The following SLC6A12 variants were observed in gnomAD, a reference collection of about 807,000 sequenced individuals.
SLC6A12 encodes the protein sodium- and chloride-dependent betaine transporter.
Under a neutral mutation model 73.3 loss-of-function variants are expected in SLC6A12, and 50 were observed. That is an observed-to-expected ratio of 0.68 (90% CI 0.54 to 0.86). The LOEUF (loss-of-function observed/expected upper bound fraction) is 0.86. SLC6A12 is among the 40% of genes least tolerant of loss of function. SLC6A12 has a pLI of 0.00. For synonymous variants in SLC6A12, 304 were observed against 309.2 expected (o/e 0.98, Z 0.18); for missense variants, 648 against 772.8 (o/e 0.84, Z 1.92).
chr12:196,978 G>T, intron 10 of SLC6A12, 96 bp from the exon 11 acceptor site: 1 of 768,806 alleles, frequency 1.3e-6, no homozygotes, highest in Non-Finnish European at 2.2e-6. Flanking sequence ...GTGTACCTGT[G>T]CACACACTTT....
chr12:193,241 CAGGA>C, intron 14 of SLC6A12, 32 bp downstream of exon 14: 1 of 1,437,336 alleles, frequency 7.0e-7, no homozygotes, highest in Non-Finnish European at 9.8e-7. Context: ...CTTCTGGGGG[CAGGA>C]AGGAATAGAG....
downstream of SLC6A12, among the ~76,000 whole-genome samples, chr12:189,593 C>T (rs1458359424): frequency 6.6e-6 from 1 of 152,204 alleles, no homozygotes; most frequent in Non-Finnish European, 1.5e-5. Context: ...AATCACCCCC[C>T]TCATCCTGGC....
intron 5 of SLC6A12, 32 bp from the exon 6 acceptor site, chr12:201,881 G>A (rs894067442): frequency 1.9e-6 from 3 of 1,580,346 alleles, no homozygotes; most frequent in Admixed American, 3.3e-5. Flanking sequence ...ACAAGATGGA[G>A]AGAGATGCTC....
At chr12:196,436 C>T (rs1939869805) in intron 11 of SLC6A12, among the ~76,000 whole-genome samples, 175 bp from the exon 12 acceptor site, 1 of 152,204 alleles carries the variant, frequency 6.6e-6, no homozygotes, top group Admixed American at 6.5e-5. Flanking sequence ...AACTACAACT[C>T]CATGACAAAG....
At chr12:208,213 C>A (rs949674152) in intron 3 of SLC6A12, among the ~76,000 whole-genome samples, 7 of 152,160 alleles carry the variant, frequency 4.6e-5, no homozygotes, top group Non-Finnish European at 2.9e-5. Flanking sequence ...GATGGTGGCC[C>A]TGGATGAAGA....
At chr12:195,559 G>A (rs992966970) in intron 12 of SLC6A12, among the ~76,000 whole-genome samples, 8 of 152,148 alleles carry the variant, frequency 5.3e-5, no homozygotes, top group African/African-American at 1.2e-4. Flanking sequence ...ACATCATCTC[G>A]TCTGCCCAGC....
intron 13 of SLC6A12, among the ~76,000 whole-genome samples, chr12:194,503 C>T (rs556124233): frequency 7.2e-4 from 109 of 152,342 alleles, no homozygotes; most frequent in Admixed American, 1.5e-3. Flanking sequence ...CCGCTTGCTA[C>T]GTGAGCTTAG....
At chr12:204,784 C>T in intron 3 of SLC6A12, 86 bp from the exon 4 acceptor site, 1 of 1,447,420 alleles carries the variant, frequency 6.9e-7, no homozygotes, top group Non-Finnish European at 9.5e-7. Flanking sequence ...CCCAACAAAC[C>T]CGCCCTCCAC....
downstream of SLC6A12, among the ~76,000 whole-genome samples, chr12:188,141 G>A (rs535762368): frequency 1.3e-5 from 2 of 152,328 alleles, no homozygotes; most frequent in South Asian, 2.1e-4. Flanking sequence ...TTGGGTGGTC[G>A]ATGGGACTGG....
chr12:189,231 G>C (rs932932115), downstream of SLC6A12, among the ~76,000 whole-genome samples: 6 of 152,224 alleles, frequency 3.9e-5, 1 homozygote. Context: ...GGGGCCCCGG[G>C]GGAGGGCGGC....
At chr12:207,203 G>A (rs934131417) in intron 3 of SLC6A12, among the ~76,000 whole-genome samples, 7 of 152,218 alleles carry the variant, frequency 4.6e-5, no homozygotes, top group African/African-American at 9.6e-5. Context: ...TGTCTCCTTC[G>A]TGTCAGCCCA....
chr12:191,027 T>A lies in SLC6A12; in HGVS notation c.*41A>T. ...CTGAGAATGGAGGGTGGCCCTGACCTAGGTTCCCGGCTTAGGAGCCGCCTG... is the reference window on the plus strand; with the variant it reads ...CTGAGAATGGAGGGTGGCCCTGACCAAGGTTCCCGGCTTAGGAGCCGCCTG... On this transcript the variant is annotated 3_prime_UTR_variant, in exon 16 of 16. Coordinates refer to ENST00000684302, the MANE Select transcript of SLC6A12 (RefSeq NM_001122848.3). The A allele has an allele frequency of 1.6e-6, 2 of 1,286,198 alleles. No individual in the cohort carries two copies. The highest frequency in any genetic ancestry group is 2.0e-6 in the Non-Finnish European group (2 of 1,007,100). The allele number at this position is 1,286,198 out of a possible 1,614,324, so 79.7% of individuals were successfully genotyped here.
chr12:187,445 T>C (rs1191226441), downstream of SLC6A12, among the ~76,000 whole-genome samples: 1 of 151,356 alleles, frequency 6.6e-6, no homozygotes, highest in Admixed American at 6.6e-5. Flanking sequence ...AGGCGGCGCG[T>C]CTGGAGTTTT....
chr12:186,107 G>A (rs1314806696), downstream of SLC6A12, among the ~76,000 whole-genome samples: 1 of 145,490 alleles, frequency 6.9e-6, no homozygotes, highest in Non-Finnish European at 1.5e-5. Context: ...TGAGGCTGTG[G>A]CAGAGAGGCA....
intron 5 of SLC6A12, among the ~76,000 whole-genome samples, chr12:202,210 T>C (rs1017077861): frequency 6.6e-6 from 1 of 152,184 alleles, no homozygotes; most frequent in Non-Finnish European, 1.5e-5. Flanking sequence ...CTGCACCTGC[T>C]CTTCCCCCTG....
Position 197,100 on chromosome 12 carries a change from T to TCTATCCATCCATCCATCTAC in SLC6A12, c.1076-219_1076-218insGTAGATGGATGGATGGATAG, listed in dbSNP as rs1191574212. Among the ~76,000 whole-genome samples the TCTATCCATCCATCCATCTAC allele has an allele frequency of 4.5e-4, 24 of 53,026 alleles. 1 individual carries two copies. The highest frequency in any genetic ancestry group is 1.5e-3 in the African/African-American group (22 of 14,296). 34.8% of individuals were successfully genotyped at this position (53,026 alleles called of 152,430 possible). On this transcript the variant is annotated intron_variant, in intron 10 of 15. Transcript: ENST00000684302. ...ATCCATCCATCCATCCATCCATCCA[T>TCTATCCATCCATCCATCTAC]CCATCCATCCATCCATCCATCCATC...
intron 4 of SLC6A12, chr12:203,204 C>A (rs1221376006): frequency 1.6e-5 from 3 of 188,226 alleles, no homozygotes; most frequent in Non-Finnish European, 3.2e-5. Context: ...GTAGCTGGGA[C>A]CACAGACAGA....
Position 191,046 on chromosome 12 carries a change from C to T in SLC6A12, c.*22G>A, listed in dbSNP as rs993173570. On this transcript the variant is annotated 3_prime_UTR_variant, in exon 16 of 16. Coordinates refer to ENST00000684302, the MANE Select transcript of SLC6A12 (RefSeq NM_001122848.3). Reference sequence around the variant, plus strand: ...CTGACCTAGGTTCCCGGCTTAGGAGCCGCCTGGCCTCTGGCCACACCCTAC... The same window carrying T: ...CTGACCTAGGTTCCCGGCTTAGGAGTCGCCTGGCCTCTGGCCACACCCTAC... 3 of 1,299,474 alleles carry T rather than the reference C, an allele frequency of 2.3e-6. No individual in the cohort carries two copies. The highest frequency in any genetic ancestry group is 3.0e-6 in the Non-Finnish European group (3 of 1,014,116). 80.5% of individuals were successfully genotyped at this position (1,299,474 alleles called of 1,614,324 possible).
chr12:187,179 A>G (rs907854436), downstream of SLC6A12, among the ~76,000 whole-genome samples: 4 of 152,138 alleles, frequency 2.6e-5, no homozygotes, highest in African/African-American at 2.4e-5. Flanking sequence ...GCCTCTGTTC[A>G]CCAGTCTGCA....
Sources: allele counts gnomAD v4.1 joint callset (sites outside exome capture counted in the v4.1 genomes callset), GRCh38; gene constraint gnomAD v4.1.1; transcripts MANE v1.5; gene names NCBI Gene and HGNC (gene_info 2026-07-23, HGNC 2026-07-21).